ACVR1: variants seen among roughly 807,000 people sequenced by gnomAD.
ACVR1 encodes the protein activin receptor type-1.
A neutral mutation model predicts 57.1 loss-of-function variants in ACVR1; 38 were observed. The ratio of observed to expected loss-of-function variants is 0.67; its 90% CI spans 0.51 to 0.87. The LOEUF is 0.87. Among genes scored for constraint, ACVR1 ranks in the 40% least tolerant of loss-of-function variants. ACVR1 has a pLI of 0.00. For synonymous variants in ACVR1, 212 were observed against 228.1 expected, an observed-to-expected ratio of 0.93 and a Z score of 0.63; for missense variants, 463 against 638.2, an observed-to-expected ratio of 0.73 and a Z score of 2.96.
chr2:157,856,632 G>T (rs1689543449), intron 1 of ACVR1, among the ~76,000 whole-genome samples: 1 of 152,170 alleles, frequency 6.6e-6, no homozygotes, highest in African/African-American at 2.4e-5. Flanking sequence ...ACAGGGGCTA[G>T]TTCATTTTCA....
At chr2:157,776,005 G>A (rs780176868) in intron 5 of ACVR1, among the ~76,000 whole-genome samples, 10 of 152,226 alleles carry the variant, frequency 6.6e-5, no homozygotes, top group South Asian at 2.1e-4. Flanking sequence ...CTGCAGGCAT[G>A]AGCCACCATG....
chr2:157,770,633 G>A, intron 6 of ACVR1, 119 bp from the exon 7 acceptor site: 1 of 1,034,024 alleles, frequency 9.7e-7, no homozygotes, highest in Non-Finnish European at 1.5e-6. Flanking sequence ...GCTTACTGGA[G>A]AAACTCAGCT....
chr2:157,751,973 G>A (rs896637514), intron 9 of ACVR1, among the ~76,000 whole-genome samples: 26 of 152,154 alleles, frequency 1.7e-4, no homozygotes, highest in African/African-American at 5.3e-4. Flanking sequence ...TCTTGAAAGC[G>A]CCACCTCCTG....
chr2:157,824,940 T>G (rs554662293), intron 1 of ACVR1, among the ~76,000 whole-genome samples: 2 of 152,190 alleles, frequency 1.3e-5, no homozygotes, highest in East Asian at 3.9e-4. Context: ...GAGATGGGGT[T>G]TTGCCATGTT....
intron 1 of ACVR1, among the ~76,000 whole-genome samples, chr2:157,868,442 G>A (rs112182197): frequency 0.075 from 11,272 of 150,132 alleles, 538 homozygotes; most frequent in African/African-American, 0.13. Context: ...CCGAGATCGC[G>A]CCACGGCACT....
chr2:157,818,596 G>A (rs1213280643), intron 1 of ACVR1, 37 bp from the exon 2 acceptor site: 2 of 152,270 alleles, frequency 1.3e-5, no homozygotes, highest in Non-Finnish European at 2.9e-5. Flanking sequence ...CAGCTAAGCA[G>A]AAGAAAATCC....
At position 157,852,258 on chromosome 2, in the gene ACVR1, G is replaced by A. The variant is rs183458722; in HGVS notation, c.-183+23538C>T. On this transcript the variant is annotated intron_variant, in intron 1 of 10. Transcript: ENST00000434821. ...CACACCTGTAATCCCAGCACTTTGG[G>A]AGGCCGAGGCGGGTGGATCGCTTGA... Among the ~76,000 whole-genome samples the A allele has an allele frequency of 2.4e-3, 367 of 152,160 alleles. 1 individual carries two copies. Among genetic ancestry groups the A allele is most frequent in the African/African-American group, 8.4e-3 (348 of 41,502 alleles).
At chr2:157,828,143 C>T (rs1574118847) in intron 1 of ACVR1, among the ~76,000 whole-genome samples, 1 of 151,944 alleles carries the variant, frequency 6.6e-6, no homozygotes, top group East Asian at 2.0e-4. Context: ...GGCAAAACCT[C>T]GTCTCTACAA....
At chr2:157,804,801 AAC>A (rs1319288709) in intron 2 of ACVR1, among the ~76,000 whole-genome samples, 2 of 152,224 alleles carry the variant, frequency 1.3e-5, no homozygotes, top group African/African-American at 2.4e-5. Context: ...TTCTACTAAA[AAC>A]AGACACATCA....
intron 1 of ACVR1, among the ~76,000 whole-genome samples, chr2:157,836,726 CAG>C (rs1688795329): frequency 6.6e-6 from 1 of 152,178 alleles, no homozygotes; most frequent in African/African-American, 2.4e-5. Context: ...GTGCCTGACA[CAG>C]TGAGCACACT....
intron 2 of ACVR1, among the ~76,000 whole-genome samples, chr2:157,803,655 G>C (rs1223982169): frequency 6.6e-6 from 1 of 152,136 alleles, no homozygotes; most frequent in Non-Finnish European, 1.5e-5. Context: ...TGGCTAAGGA[G>C]CGTTCATATG....
intron 7 of ACVR1, among the ~76,000 whole-genome samples, chr2:157,766,905 G>A (rs1685883079): frequency 6.6e-6 from 1 of 152,212 alleles, no homozygotes; most frequent in Non-Finnish European, 1.5e-5. Context: ...CCCAGAGCAG[G>A]AAATTATAGT....
rs139227733 is a variant in ACVR1, at chr2:157,818,440, G to T, written c.-63C>A. ...ACAGTCCTTCAAGCCGCGTGCCCTCGTTCAGAGCTTCTCTCACTCTGGTCA... is the reference window on the plus strand; with the variant it reads ...ACAGTCCTTCAAGCCGCGTGCCCTCTTTCAGAGCTTCTCTCACTCTGGTCA... On this transcript the variant is annotated 5_prime_UTR_variant, in exon 2 of 11. Coordinates refer to ENST00000434821, the MANE Select transcript of ACVR1 (RefSeq NM_001111067.4). The T allele has an allele frequency of 6.6e-6, 1 of 152,144 alleles. No homozygotes were observed. Among genetic ancestry groups the T allele is most frequent in the Non-Finnish European group, 1.5e-5 (1 of 68,042 alleles). 9.4% of individuals were successfully genotyped at this position (152,144 alleles called of 1,614,324 possible).
chr2:157,817,919 G>A (rs1220484514), intron 2 of ACVR1, among the ~76,000 whole-genome samples: 4 of 151,266 alleles, frequency 2.6e-5, no homozygotes, highest in African/African-American at 7.3e-5. Context: ...GGAGAATTGC[G>A]TGACCCTGGG....
intron 1 of ACVR1, among the ~76,000 whole-genome samples, chr2:157,823,500 C>G (rs1228974602): frequency 1.3e-5 from 2 of 151,958 alleles, no homozygotes; most frequent in African/African-American, 2.4e-5. Flanking sequence ...ACAAAATCTC[C>G]AAGATGTTTT....
Position 157,772,620 on chromosome 2 carries a change from T to G in ACVR1, c.643+1468A>C, listed in dbSNP as rs143618361. 8.5e-4 allele frequency among the ~76,000 whole-genome samples: 130 copies of G among 152,322 alleles called. 1 individual carries two copies. The East Asian group carries it at 0.023, about 27-fold the overall frequency. ...CAATCTCTGAAGACTAATCTTGAGA[T>G]AGCTTGCATGGAATAGTAGTGGAGA... On this transcript the variant is annotated intron_variant, in intron 6 of 10. Transcript: ENST00000434821.
chr2:157,810,522 C>T (rs1687714581), intron 2 of ACVR1, among the ~76,000 whole-genome samples: 1 of 152,198 alleles, frequency 6.6e-6, no homozygotes, highest in Admixed American at 6.5e-5. Flanking sequence ...AAAATGCTAA[C>T]AAGTGAAAGA....
intron 9 of ACVR1, among the ~76,000 whole-genome samples, chr2:157,742,530 A>C (rs1027188143): frequency 1.3e-5 from 2 of 152,142 alleles, no homozygotes; most frequent in Non-Finnish European, 2.9e-5. Flanking sequence ...TGATTTATAC[A>C]ATAGTTTTTT....
chr2:157,832,788 T>C (rs761651908), intron 1 of ACVR1, among the ~76,000 whole-genome samples: 43 of 152,288 alleles, frequency 2.8e-4, no homozygotes, highest in Non-Finnish European at 5.0e-4. Context: ...AGTCTTTTCT[T>C]CACAAGCCTC....
Sources: allele counts gnomAD v4.1 joint callset (sites outside exome capture counted in the v4.1 genomes callset), GRCh38; gene constraint gnomAD v4.1.1; transcripts MANE v1.5; gene names NCBI Gene and HGNC (gene_info 2026-07-23, HGNC 2026-07-21).